Variants in PDGFD observed in about 807,000 individuals in gnomAD.
The protein encoded by PDGFD is platelet-derived growth factor D.
A neutral mutation model predicts 44.7 loss-of-function variants in PDGFD; 30 were observed. The ratio of observed to expected loss-of-function variants is 0.67; its 90% CI spans 0.50 to 0.91. The LOEUF is 0.91. PDGFD is among the 40% of genes least tolerant of loss of function. The probability of loss-of-function intolerance (pLI) is 0.00; values close to 1 mark genes in which losing one functional copy is unlikely to be tolerated. For synonymous variants in PDGFD, 173 were observed against 168.4 expected (o/e 1.03, Z -0.21); for missense variants, 445 against 457.8 (o/e 0.97, Z 0.25).
chr11:104,093,674 C>T (rs1325201779), intron 1 of PDGFD, among the ~76,000 whole-genome samples: 1 of 151,972 alleles, frequency 6.6e-6, no homozygotes, highest in Non-Finnish European at 1.5e-5. Flanking sequence ...CTAAGTTTCT[C>T]TTTACTGAGA....
chr11:104,040,951 C>A (rs894306428), intron 1 of PDGFD, among the ~76,000 whole-genome samples: 3 of 151,864 alleles, frequency 2.0e-5, no homozygotes, highest in Admixed American at 1.3e-4. Context: ...AAAACATGGA[C>A]TGACCAGATT....
chr11:104,097,790 A>G (rs2134442248), intron 1 of PDGFD, among the ~76,000 whole-genome samples: 1 of 152,276 alleles, frequency 6.6e-6, no homozygotes, highest in African/African-American at 2.4e-5. Flanking sequence ...AATCTGTCCA[A>G]CTACTTAACA....
Position 104,047,450 on chromosome 11 carries a change from G to GT in PDGFD, c.125-47196dup, listed in dbSNP as rs1321155030. On this transcript the variant is annotated intron_variant, in intron 1 of 6. Coordinates refer to ENST00000393158, the MANE Select transcript of PDGFD (RefSeq NM_025208.5). ...TTGCCATTCTAACTGGCATGAGATG[G>GT]TAACTCATTGTGGTTTTGATTTGCA... 6.1e-5 allele frequency among the ~76,000 whole-genome samples: 9 copies of GT among 147,070 alleles called. 1 individual carries two copies. Among genetic ancestry groups the GT allele is most frequent in the Non-Finnish European group, 1.2e-4 (8 of 65,880 alleles).
intron 1 of PDGFD, among the ~76,000 whole-genome samples, chr11:104,087,019 G>GTA (rs1734331633): frequency 7.4e-5 from 7 of 94,202 alleles, no homozygotes; most frequent in Admixed American, 5.1e-4. Context: ...TAGGCTCTTA[G>GTA]TCTTTTTTTT....
chr11:104,014,637 G>A (rs1280281680), intron 1 of PDGFD, among the ~76,000 whole-genome samples: 4 of 152,124 alleles, frequency 2.6e-5, no homozygotes, highest in Non-Finnish European at 4.4e-5. Context: ...AATACATCCT[G>A]AGAAAGATGG....
chr11:104,123,650 T>C (rs1006691307), intron 1 of PDGFD, among the ~76,000 whole-genome samples: 1 of 152,108 alleles, frequency 6.6e-6, no homozygotes, highest in African/African-American at 2.4e-5. Context: ...TCTGAATTCA[T>C]GAATTCAAAG....
chr11:104,151,211 G>A (rs955104916), intron 1 of PDGFD, among the ~76,000 whole-genome samples: 1 of 151,598 alleles, frequency 6.6e-6, no homozygotes, highest in Non-Finnish European at 1.5e-5. Flanking sequence ...CTTTAGGAAT[G>A]TCCTGCAAGT....
chr11:104,015,507 C>T (rs1392542686), intron 1 of PDGFD, among the ~76,000 whole-genome samples: 1 of 152,148 alleles, frequency 6.6e-6, no homozygotes, highest in African/African-American at 2.4e-5. Flanking sequence ...ATTACCTTTG[C>T]ATCTGGAATA....
chr11:104,035,107 G>A (rs1860203405), intron 1 of PDGFD, among the ~76,000 whole-genome samples: 1 of 152,124 alleles, frequency 6.6e-6, no homozygotes. Context: ...AAATGTCAGA[G>A]AGAGGCATAT....
intron 5 of PDGFD, among the ~76,000 whole-genome samples, chr11:103,935,718 G>C (rs1454973585): frequency 2.0e-5 from 3 of 152,168 alleles, no homozygotes; most frequent in Non-Finnish European, 4.4e-5. Context: ...TCTTGGTTCT[G>C]TGCAGAGTTT....
chr11:103,931,078 C>G (rs1260061816), intron 5 of PDGFD, among the ~76,000 whole-genome samples: 1 of 152,126 alleles, frequency 6.6e-6, no homozygotes, highest in Non-Finnish European at 1.5e-5. Context: ...ATTCTAGTTT[C>G]TGTAGGACAG....
intron 1 of PDGFD, among the ~76,000 whole-genome samples, chr11:104,061,855 G>A (rs1452718733): frequency 9.2e-5 from 14 of 152,076 alleles, no homozygotes; most frequent in Non-Finnish European, 5.9e-5. Flanking sequence ...TGATCCGCCC[G>A]CCTTGGCCTC....
At chr11:103,981,786 A>G (rs1859276588) in intron 3 of PDGFD, among the ~76,000 whole-genome samples, 1 of 151,770 alleles carries the variant, frequency 6.6e-6, no homozygotes, top group Non-Finnish European at 1.5e-5. Context: ...TGGATTCCAG[A>G]GACCTGTGAC....
chr11:103,992,411 T>C (rs1465813447), intron 3 of PDGFD, among the ~76,000 whole-genome samples: 1 of 152,234 alleles, frequency 6.6e-6, no homozygotes, highest in Non-Finnish European at 1.5e-5. Context: ...TCATCATTTA[T>C]TGAACACTTA....
At chr11:104,057,260 T>C (rs184473522) in intron 1 of PDGFD, among the ~76,000 whole-genome samples, 1 of 152,220 alleles carries the variant, frequency 6.6e-6, no homozygotes, top group East Asian at 1.9e-4. Flanking sequence ...AAAAACCCAA[T>C]ATTGCTATAA....
chr11:104,150,235 C>T (rs942302396), intron 1 of PDGFD, among the ~76,000 whole-genome samples: 99 of 152,036 alleles, frequency 6.5e-4, no homozygotes, highest in African/African-American at 2.3e-3. Flanking sequence ...GGACACTGCC[C>T]TTATCATCCT....
chr11:103,984,630 T>C (rs1321147042), intron 3 of PDGFD, among the ~76,000 whole-genome samples: 1 of 151,424 alleles, frequency 6.6e-6, no homozygotes, highest in Non-Finnish European at 1.5e-5. Flanking sequence ...TATGGGTGTT[T>C]ACTTTTTGTT....
chr11:104,095,257 A>G lies in PDGFD; in HGVS notation c.124+68547T>C, dbSNP rs1861267215. On this transcript the variant is annotated intron_variant, in intron 1 of 6. Transcript: ENST00000393158. Reference sequence around the variant, plus strand: ...CTCTTTAGTGTCACCCAACTAAACTATAATCTCCATAATGGAAAGAGTTTG... The same window carrying G: ...CTCTTTAGTGTCACCCAACTAAACTGTAATCTCCATAATGGAAAGAGTTTG... Among the ~76,000 whole-genome samples the G allele has an allele frequency of 2.0e-5, 3 of 152,112 alleles. No individual in the cohort carries two copies. In the South Asian group the frequency reaches 6.2e-4, roughly 32 times the overall value.
At chr11:104,124,976 T>A (rs1009063647) in intron 1 of PDGFD, among the ~76,000 whole-genome samples, 3 of 152,158 alleles carry the variant, frequency 2.0e-5, no homozygotes, top group Non-Finnish European at 2.9e-5. Flanking sequence ...CTGTTAAAAC[T>A]GCTACAACAA....
Sources: gnomAD v4.1 joint callset for allele counts (sites outside exome capture counted in the v4.1 genomes callset) on GRCh38, gnomAD v4.1.1 for gene constraint, MANE v1.5 for transcripts, NCBI Gene and HGNC (gene_info 2026-07-23, HGNC 2026-07-21) for gene names.